EXOC4: variants seen among roughly 807,000 people sequenced by gnomAD.
The protein encoded by EXOC4 is SEC8-like 1.
EXOC4 carries 71 observed loss-of-function variants against 107.2 expected under a neutral mutation model. The observed-to-expected ratio is 0.66, with a 90% CI of 0.55 to 0.81. The LOEUF is 0.81. EXOC4 is among the 30% of genes least tolerant of loss of function. The pLI is 0.00. For missense variants in EXOC4, 1,108 were observed against 1,189.6 expected (o/e 0.93, Z 1.01); for synonymous variants, 456 against 441.2 (o/e 1.03, Z -0.42).
At chr7:133,933,650 G>A (rs1800231015) in intron 13 of EXOC4, among the ~76,000 whole-genome samples, 1 of 152,166 alleles carries the variant, frequency 6.6e-6, no homozygotes. Context: ...CCAGTTGCCA[G>A]GCAGCAGCCA....
intron 12 of EXOC4, among the ~76,000 whole-genome samples, chr7:133,896,767 G>A (rs1331392255): frequency 6.8e-6 from 1 of 147,754 alleles, no homozygotes; most frequent in Non-Finnish European, 1.5e-5. Context: ...CCAGGTTCAA[G>A]CGATTCTCCT....
intron 14 of EXOC4, among the ~76,000 whole-genome samples, chr7:133,990,113 T>TA (rs1156622043): frequency 6.6e-6 from 1 of 152,182 alleles, no homozygotes; most frequent in Non-Finnish European, 1.5e-5. Context: ...CTCAAACATT[T>TA]ATCTTTTCTT....
chr7:134,032,953 A>G (rs1370534373), intron 17 of EXOC4, among the ~76,000 whole-genome samples: 5 of 152,230 alleles, frequency 3.3e-5, no homozygotes, highest in Non-Finnish European at 7.3e-5. Context: ...TGTGTAGGGT[A>G]TAAGATGGCA....
chr7:134,064,746 G>A lies in EXOC4; in HGVS notation c.*218G>A. The stretch of plus-strand genomic sequence containing the variant: ...TTGGTTGAACAACTACTTTAATGCA[G>A]TCAAATCTAACGGGACTAGGGTGGG... On this transcript the variant is annotated 3_prime_UTR_variant, in exon 18 of 18. Transcript: ENST00000253861. The A allele has an allele frequency of 6.0e-6, 2 of 334,148 alleles. No individual in the cohort carries two copies. The highest frequency in any genetic ancestry group is 9.3e-5 in the East Asian group (2 of 21,416). The allele number at this position is 334,148 out of a possible 1,614,324, so 20.7% of individuals were successfully genotyped here. A position where few individuals can be genotyped will look rare whatever the true frequency, so the allele number is the denominator to read the frequency against.
intron 10 of EXOC4, chr7:133,727,658 G>A (rs7792667): frequency 0.99 from 152,835 of 154,926 alleles, 75,435 homozygotes; most frequent in Middle Eastern, 1. Flanking sequence ...TCCAGATGCC[G>A]TGGAGCGCAC....
chr7:133,560,039 G>T (rs1800776938), intron 9 of EXOC4, among the ~76,000 whole-genome samples: 1 of 152,150 alleles, frequency 6.6e-6, no homozygotes, highest in African/African-American at 2.4e-5. Context: ...GCCTATTTCA[G>T]TTCAGTGCTG....
chr7:133,574,571 G>C (rs1049033716), intron 9 of EXOC4, among the ~76,000 whole-genome samples: 4 of 152,178 alleles, frequency 2.6e-5, no homozygotes, highest in Non-Finnish European at 5.9e-5. Context: ...CAGTCACTTT[G>C]TCTAGAGGAT....
rs150296029 is a variant in EXOC4 at position 133,592,791 on chromosome 7, C to T, written c.1418-37254C>T. Among the ~76,000 whole-genome samples the T allele has an allele frequency of 3.5e-3, 531 of 152,244 alleles. 5 individuals carry two copies. Among genetic ancestry groups the T allele is most frequent in the African/African-American group, 9.8e-3 (406 of 41,548 alleles). ...CTAATTTTTGTATTTTTATTAGAGA[C>T]GGGGTTTCACCATGTTAGCCAGGAT... On this transcript the variant is annotated intron_variant, in intron 9 of 17. Transcript: ENST00000253861.
chr7:133,351,606 T>A (rs1795911724), intron 5 of EXOC4, among the ~76,000 whole-genome samples: 2 of 151,960 alleles, frequency 1.3e-5, no homozygotes, highest in South Asian at 4.1e-4. Flanking sequence ...AAAGATTTGT[T>A]ATTTTTGATG....
chr7:133,923,466 G>A (rs1188515641), intron 13 of EXOC4, among the ~76,000 whole-genome samples: 1 of 152,050 alleles, frequency 6.6e-6, no homozygotes, highest in Admixed American at 6.6e-5. Context: ...GTTTGTAAGG[G>A]TATCTCTTTA....
chr7:134,049,975 T>C (rs1401970209), intron 17 of EXOC4, among the ~76,000 whole-genome samples: 2 of 152,200 alleles, frequency 1.3e-5, no homozygotes, highest in East Asian at 3.8e-4. Flanking sequence ...TCTGCCACCA[T>C]TAAGAAGAAT....
intron 10 of EXOC4, among the ~76,000 whole-genome samples, chr7:133,669,830 A>G (rs1463922557): frequency 1.3e-5 from 2 of 152,206 alleles, no homozygotes; most frequent in Admixed American, 6.5e-5. Context: ...GTTTCTGAGG[A>G]ACACTTACAA....
chr7:133,658,399 C>T (rs1803352577), intron 10 of EXOC4, among the ~76,000 whole-genome samples: 1 of 152,170 alleles, frequency 6.6e-6, no homozygotes, highest in Non-Finnish European at 1.5e-5. Context: ...TATCTACTTA[C>T]ATCTGCCCTG....
chr7:133,755,243 AATATATATATTATATATATATTATATAT>A (rs1461339849), intron 10 of EXOC4, among the ~76,000 whole-genome samples: 2 of 91,068 alleles, frequency 2.2e-5, no homozygotes, highest in South Asian at 5.8e-4. Flanking sequence ...TAATATATAT[AATATATATATTATATATATATTATATAT>A]ATTATATATA....
chr7:133,745,415 A>G (rs1441355334), intron 10 of EXOC4, among the ~76,000 whole-genome samples: 1 of 152,172 alleles, frequency 6.6e-6, no homozygotes, highest in Non-Finnish European at 1.5e-5. Context: ...TTATAGAAGT[A>G]TCTATCTTCT....
intron 14 of EXOC4, among the ~76,000 whole-genome samples, chr7:133,974,229 A>T (rs765521425): frequency 6.6e-6 from 1 of 152,230 alleles, no homozygotes; most frequent in Non-Finnish European, 1.5e-5. Context: ...AACGGGCATC[A>T]AAAGTGTTTC....
chr7:133,787,481 A>C (rs1480730187), intron 10 of EXOC4, among the ~76,000 whole-genome samples: 1 of 151,910 alleles, frequency 6.6e-6, no homozygotes, highest in Admixed American at 6.6e-5. Flanking sequence ...TATAGGTGGT[A>C]GTGCTTTATA....
chr7:133,651,101 C>T (rs1448866353), intron 10 of EXOC4, among the ~76,000 whole-genome samples: 1 of 151,988 alleles, frequency 6.6e-6, no homozygotes, highest in Non-Finnish European at 1.5e-5. Context: ...AAGTCATACA[C>T]CACATATCCC....
chr7:133,265,550 A>T (rs1793710018), intron 1 of EXOC4, among the ~76,000 whole-genome samples: 1 of 152,124 alleles, frequency 6.6e-6, no homozygotes, highest in Admixed American at 6.5e-5. Context: ...TACTTTTAAG[A>T]GGGGTCACTG....
Sources: gnomAD v4.1 joint callset for allele counts (sites outside exome capture counted in the v4.1 genomes callset) on GRCh38, gnomAD v4.1.1 for gene constraint, MANE v1.5 for transcripts, NCBI Gene and HGNC (gene_info 2026-07-23, HGNC 2026-07-21) for gene names.